FAH: variants seen among roughly 807,000 people sequenced by gnomAD.
FAH encodes fumarylacetoacetase.
A neutral mutation model predicts 55.8 loss-of-function variants in FAH; 47 were observed. The observed-to-expected ratio is 0.84, with a 90% confidence interval of 0.67 to 1.07. The LOEUF is 1.07. Among genes scored for constraint, FAH ranks in the 50% least tolerant of loss-of-function variants. The pLI is 0.00. For synonymous variants in FAH, 199 were observed against 207.7 expected (o/e 0.96, Z 0.36); for missense variants, 495 against 545.9 (o/e 0.91, Z 0.93).
intron 13 of FAH, among the ~76,000 whole-genome samples, chr15:80,184,994 C>A (rs901721671): frequency 3.3e-5 from 5 of 152,150 alleles, no homozygotes; most frequent in African/African-American, 1.2e-4. Context: ...TAAGTGGACC[C>A]CTCTCAAGGG....
At chr15:80,158,785 A>G (rs992025432) in intron 2 of FAH, among the ~76,000 whole-genome samples, 3 of 152,028 alleles carry the variant, frequency 2.0e-5, no homozygotes, top group East Asian at 1.9e-4. Flanking sequence ...TGGAATTCCT[A>G]TGGGGGCCTG....
intron 3 of FAH, 54 bp downstream of exon 3, chr15:80,159,931 G>A (rs2041134654): frequency 6.3e-7 from 1 of 1,592,780 alleles, no homozygotes; most frequent in African/African-American, 1.3e-5. Flanking sequence ...GGGAGGTGAA[G>A]GCTGTGTGGT....
chr15:80,158,973 C>G (rs2041123583), intron 2 of FAH, among the ~76,000 whole-genome samples: 1 of 152,130 alleles, frequency 6.6e-6, no homozygotes, highest in Non-Finnish European at 1.5e-5. Flanking sequence ...CCTCTCGGCT[C>G]ACGCCTGTAA....
At chr15:80,159,668 T>C (rs949185146) in intron 2 of FAH, 88 bp from the exon 3 acceptor site, 1 of 1,513,214 alleles carries the variant, frequency 6.6e-7, no homozygotes, top group Non-Finnish European at 9.2e-7. Context: ...TGGCAAGGGC[T>C]GGCAGGCTGG....
At chr15:80,159,130 C>T (rs750891378) in intron 2 of FAH, among the ~76,000 whole-genome samples, 3 of 151,722 alleles carry the variant, frequency 2.0e-5, no homozygotes, top group African/African-American at 4.8e-5. Context: ...CCCAGCTACT[C>T]GGGAGGCTGA....
chr15:80,178,694 C>T (rs1473868773), intron 11 of FAH, among the ~76,000 whole-genome samples: 1 of 151,950 alleles, frequency 6.6e-6, no homozygotes. Flanking sequence ...TGCCATTCTC[C>T]TGCCTCAGCC....
chr15:80,174,257 C>G (rs2041264601), intron 9 of FAH, among the ~76,000 whole-genome samples: 1 of 152,206 alleles, frequency 6.6e-6, no homozygotes, highest in African/African-American at 2.4e-5. Flanking sequence ...CATCTGCCTT[C>G]TTCCGGGTCG....
rs2041155203 is a variant in FAH at position 80,162,244 on chromosome 15, A to G, written c.365-2A>G. On this transcript the variant is annotated splice_acceptor_variant, in intron 4 of 13. Coordinates refer to ENST00000561421, the MANE Select transcript of FAH (RefSeq NM_000137.4). LOFTEE classifies it high-confidence loss of function. ...GGGATCTGTTGGGTCTTTCCTCTGC[A>G]GGAGACTACACAGACTTCTATTCCT... The G allele has an allele frequency of 6.2e-7, 1 of 1,613,446 alleles. No homozygotes were observed. The highest frequency in any genetic ancestry group is 1.1e-5 in the South Asian group (1 of 91,058).
chr15:80,174,172 T>G (rs2041263916), intron 9 of FAH, among the ~76,000 whole-genome samples: 1 of 152,082 alleles, frequency 6.6e-6, no homozygotes, highest in Non-Finnish European at 1.5e-5. Flanking sequence ...CTTGACTTTC[T>G]CTCTAGCTGG....
downstream of FAH, chr15:80,186,526 G>A (rs886051499): frequency 2.3e-6 from 1 of 433,516 alleles, no homozygotes; most frequent in Non-Finnish European, 4.3e-6. Context: ...AATTTGAAAA[G>A]AGACTGGCAC....
At chr15:80,183,586 C>T (rs1177724109) in intron 13 of FAH, among the ~76,000 whole-genome samples, 1 of 152,226 alleles carries the variant, frequency 6.6e-6, no homozygotes, top group African/African-American at 2.4e-5. Context: ...TCCTTCTCTG[C>T]ACCTGCTCAG....
At chr15:80,175,394 G>T (rs573959762) in intron 10 of FAH, among the ~76,000 whole-genome samples, 81 of 152,224 alleles carry the variant, frequency 5.3e-4, no homozygotes, top group Non-Finnish European at 9.6e-4. Flanking sequence ...TCCAGGGGCT[G>T]CCTGGCTCCT....
In FAH at chr15:80,162,276, A is replaced by G. The variant is rs1180399013; in HGVS notation, c.395A>G (p.Gln132Arg). 1.2e-6 allele frequency: 2 copies of G among 1,614,110 alleles called. No homozygotes were observed. Among genetic ancestry groups the G allele is most frequent in the African/African-American group, 2.7e-5 (2 of 74,940 alleles). The change falls in exon 5 of 14, where the codon CAG becomes CGG. Residue 132 changes from glutamine to arginine, a missense_variant. Gln to Arg is a conservative substitution (Grantham distance 43). Transcript: ENST00000561421. ...GDYTDFYSSR[Q>R]HATNVGIMFR... ...TACACAGACTTCTATTCCTCTCGGC[A>G]GCATGCTACCAACGTCGGAATCATG...
intron 5 of FAH, chr15:80,163,082 G>A (rs1323397577): frequency 6.5e-6 from 1 of 153,900 alleles, no homozygotes; most frequent in African/African-American, 2.4e-5. Flanking sequence ...ACTCTCTCTC[G>A]AGTGAGTGTC....
intron 9 of FAH, chr15:80,173,717 A>G (rs1846236128): frequency 9.7e-6 from 2 of 206,602 alleles, no homozygotes; most frequent in Non-Finnish European, 2.0e-5. Context: ...CAGTGTCATG[A>G]CCTTGTGTCC....
At chr15:80,169,937 C>CT (rs1200883954) in intron 7 of FAH, among the ~76,000 whole-genome samples, 14 of 152,228 alleles carry the variant, frequency 9.2e-5, no homozygotes, top group African/African-American at 3.4e-4. Flanking sequence ...TTCACACAGT[C>CT]TCCCCCAGTG....
At chr15:80,159,594 G>A (rs2041129852) in intron 2 of FAH, among the ~76,000 whole-genome samples, 162 bp from the exon 3 acceptor site, 1 of 152,242 alleles carries the variant, frequency 6.6e-6, no homozygotes, top group African/African-American at 2.4e-5. Context: ...TTTTCTCCAG[G>A]TTGATGAATA....
intron 3 of FAH, 48 bp from the exon 4 acceptor site, chr15:80,160,362 G>A (rs375174105): frequency 2.5e-5 from 40 of 1,598,310 alleles, no homozygotes; most frequent in Admixed American, 3.3e-5. Flanking sequence ...GGGTGGGACC[G>A]CGCTTTGCTG....
At chr15:80,165,249 C>T (rs942363073) in intron 5 of FAH, among the ~76,000 whole-genome samples, 1 of 151,416 alleles carries the variant, frequency 6.6e-6, no homozygotes, top group Non-Finnish European at 1.5e-5. Context: ...AAATTAGCAG[C>T]CAGGCGTGGT....
Sources: gnomAD v4.1 joint callset for allele counts (sites outside exome capture counted in the v4.1 genomes callset) on GRCh38, gnomAD v4.1.1 for gene constraint, MANE v1.5 for transcripts, NCBI Gene and HGNC (gene_info 2026-07-23, HGNC 2026-07-21) for gene names.